Variants in TAFA1 observed in about 807,000 individuals in gnomAD.
The protein encoded by TAFA1 is TAFA chemokine like family member 1, also known as chemokine-like protein TAFA-1.
TAFA1 carries 4 observed loss-of-function variants against 18.5 expected under a neutral mutation model. The observed-to-expected ratio is 0.22, with a 90% CI of 0.11 to 0.49. The LOEUF is 0.49. Among genes scored for constraint, TAFA1 ranks in the 20% least tolerant of loss-of-function variants. TAFA1 has a pLI of 0.98. For missense variants in TAFA1, 147 were observed against 169.0 expected, an observed-to-expected ratio of 0.87 and a Z score of 0.72; for synonymous variants, 56 against 55.2, an observed-to-expected ratio of 1.01 and a Z score of -0.06.
chr3:68,190,534 A>T (rs1295752503), intron 2 of TAFA1, among the ~76,000 whole-genome samples: 2 of 151,904 alleles, frequency 1.3e-5, no homozygotes, highest in South Asian at 2.1e-4. Context: ...CCTCAGGGTC[A>T]TTTGGAATCT....
chr3:68,358,742 G>A (rs1210878709), intron 2 of TAFA1, among the ~76,000 whole-genome samples: 4 of 151,864 alleles, frequency 2.6e-5, no homozygotes, highest in Non-Finnish European at 5.9e-5. Context: ...TAGCCTTCAG[G>A]ATGACAGAGC....
At chr3:68,000,734 A>G (rs2106759632), upstream of TAFA1, among the ~76,000 whole-genome samples, 1 of 152,324 alleles carries the variant, frequency 6.6e-6, no homozygotes, top group East Asian at 1.9e-4. Context: ...TACTTGCTAT[A>G]GTTCAGGTAA....
At chr3:68,343,961 A>G (rs538072206) in intron 2 of TAFA1, among the ~76,000 whole-genome samples, 1 of 152,252 alleles carries the variant, frequency 6.6e-6, no homozygotes, top group African/African-American at 2.4e-5. Flanking sequence ...CTTCTGCCTC[A>G]GCCTCCCGAG....
chr3:68,089,562 A>G (rs2065008647), intron 2 of TAFA1, among the ~76,000 whole-genome samples: 1 of 152,158 alleles, frequency 6.6e-6, no homozygotes, highest in South Asian at 2.1e-4. Flanking sequence ...TATTTATATT[A>G]GTAGTTGGAG....
chr3:68,303,755 C>G (rs1211005184), intron 2 of TAFA1, among the ~76,000 whole-genome samples: 1 of 151,984 alleles, frequency 6.6e-6, no homozygotes, highest in Non-Finnish European at 1.5e-5. Flanking sequence ...GGCCTGAAAA[C>G]TTTTTAGAAG....
At chr3:68,003,622 G>C (rs756275863), upstream of TAFA1, among the ~76,000 whole-genome samples, 1 of 151,226 alleles carries the variant, frequency 6.6e-6, no homozygotes, top group African/African-American at 2.4e-5. Context: ...GAAGAAGAAA[G>C]GGTTCAAACC....
At chr3:68,133,476 A>T (rs2065568215) in intron 2 of TAFA1, among the ~76,000 whole-genome samples, 1 of 152,082 alleles carries the variant, frequency 6.6e-6, no homozygotes, top group Non-Finnish European at 1.5e-5. Flanking sequence ...CATTTTCACA[A>T]TATTTATTCT....
At chr3:68,327,037 C>G (rs1428263037) in intron 2 of TAFA1, among the ~76,000 whole-genome samples, 1 of 152,116 alleles carries the variant, frequency 6.6e-6, no homozygotes, top group Non-Finnish European at 1.5e-5. Flanking sequence ...GTGGTTCTTT[C>G]CTGTGCTATT....
At chr3:68,307,038 A>G (rs1269456879) in intron 2 of TAFA1, among the ~76,000 whole-genome samples, 2 of 152,212 alleles carry the variant, frequency 1.3e-5, no homozygotes, top group Non-Finnish European at 2.9e-5. Context: ...AATCCATGTA[A>G]CTACCATTAG....
chr3:68,354,789 T>A (rs1016901649), intron 2 of TAFA1, among the ~76,000 whole-genome samples: 2 of 151,930 alleles, frequency 1.3e-5, no homozygotes. Context: ...CCAGAGGGGA[T>A]GAATGCTGCG....
At chr3:68,544,399 G>A in intron 4 of TAFA1, 87 bp from the exon 5 acceptor site, 1 of 1,329,904 alleles carries the variant, frequency 7.5e-7, no homozygotes, top group East Asian at 2.4e-5. Flanking sequence ...AAGATTCAAG[G>A]TGTCCTCCTT....
intron 2 of TAFA1, among the ~76,000 whole-genome samples, chr3:68,278,060 G>C (rs2067828631): frequency 6.6e-6 from 1 of 152,144 alleles, no homozygotes; most frequent in Non-Finnish European, 1.5e-5. Context: ...AGATAGGCTA[G>C]AAATAGAATT....
chr3:68,544,245 C>T (rs2073421697), intron 4 of TAFA1, among the ~76,000 whole-genome samples: 1 of 152,076 alleles, frequency 6.6e-6, no homozygotes, highest in Non-Finnish European at 1.5e-5. Flanking sequence ...CCAGGAGCCT[C>T]ACTCCTCAGG....
intron 2 of TAFA1, among the ~76,000 whole-genome samples, chr3:68,385,401 G>T (rs990934789): frequency 2.5e-4 from 38 of 152,090 alleles, no homozygotes; most frequent in African/African-American, 9.2e-4. Flanking sequence ...GTCAGAGTAA[G>T]TGGCTAAGAA....
At chr3:68,437,299 G>A (rs1459715753) in intron 3 of TAFA1, among the ~76,000 whole-genome samples, 1 of 152,090 alleles carries the variant, frequency 6.6e-6, no homozygotes, top group African/African-American at 2.4e-5. Context: ...ATGTTAAAGA[G>A]AAATATGTCC....
intron 2 of TAFA1, among the ~76,000 whole-genome samples, chr3:68,270,897 G>T (rs1575733590): frequency 6.6e-6 from 1 of 152,170 alleles, no homozygotes; most frequent in African/African-American, 2.4e-5. Flanking sequence ...CTGACAGAGT[G>T]ATGAAAAGAT....
chr3:68,516,644 A>G (rs549549245), intron 3 of TAFA1, among the ~76,000 whole-genome samples: 2 of 152,354 alleles, frequency 1.3e-5, no homozygotes, highest in South Asian at 4.2e-4. Flanking sequence ...AAGAGGCAAT[A>G]AAAGAACAGG....
intron 2 of TAFA1, among the ~76,000 whole-genome samples, chr3:68,279,065 C>A (rs541509333): frequency 6.6e-6 from 1 of 152,236 alleles, no homozygotes; most frequent in East Asian, 1.9e-4. Context: ...ATCAGGTCCT[C>A]AGTGGCCACT....
At chr3:68,175,218 G>A (rs573503165) in intron 2 of TAFA1, among the ~76,000 whole-genome samples, 4 of 152,360 alleles carry the variant, frequency 2.6e-5, no homozygotes, top group African/African-American at 9.6e-5. Flanking sequence ...TGCTAGGGCA[G>A]TATGGAAGGG....
Sources: gnomAD v4.1 joint callset for allele counts (sites outside exome capture counted in the v4.1 genomes callset) on GRCh38, gnomAD v4.1.1 for gene constraint, MANE v1.5 for transcripts, NCBI Gene and HGNC (gene_info 2026-07-23, HGNC 2026-07-21) for gene names.